Variants in ADAMTS17 observed in about 807,000 individuals in gnomAD.
ADAMTS17 encodes the protein A disintegrin and metalloproteinase with thrombospondin motifs 17.
ADAMTS17 carries 113 observed loss-of-function variants against 141.5 expected under a neutral mutation model. The observed-to-expected ratio is 0.80, with a 90% CI of 0.69 to 0.93. The LOEUF (loss-of-function observed/expected upper bound fraction) is 0.93, where lower values mean the gene tolerates loss of function less well. Among genes scored for constraint, ADAMTS17 ranks in the 40% least tolerant of loss-of-function variants. The pLI, the probability that ADAMTS17 is intolerant of heterozygous loss-of-function variation, is 0.00. For missense variants in ADAMTS17, 1,659 were observed against 1,517.9 expected (o/e 1.09, Z -1.54); for synonymous variants, 768 against 630.6 (o/e 1.22, Z -3.27).
intron 10 of ADAMTS17, among the ~76,000 whole-genome samples, chr15:100,148,596 T>A (rs1413700808): frequency 1.3e-5 from 2 of 152,146 alleles, no homozygotes; most frequent in African/African-American, 4.8e-5. Flanking sequence ...AGGTGTACTG[T>A]CAGTTTTACC....
chr15:100,294,624 C>A (rs2044747987), intron 3 of ADAMTS17, among the ~76,000 whole-genome samples: 1 of 151,996 alleles, frequency 6.6e-6, no homozygotes, highest in Non-Finnish European at 1.5e-5. Context: ...CGGAGGATCA[C>A]TTGAGCCCAG....
At chr15:100,111,213 G>A (rs1460174092) in intron 13 of ADAMTS17, among the ~76,000 whole-genome samples, 1 of 152,180 alleles carries the variant, frequency 6.6e-6, no homozygotes, top group African/African-American at 2.4e-5. Flanking sequence ...ACAGACACGT[G>A]ATGTTTGCTT....
chr15:100,328,986 G>A (rs2045970530), intron 3 of ADAMTS17, among the ~76,000 whole-genome samples: 1 of 152,146 alleles, frequency 6.6e-6, no homozygotes, highest in African/African-American at 2.4e-5. Context: ...AGGTTTAACA[G>A]TCCTTAGCGA....
chr15:100,183,957 C>T (rs1009225583), intron 8 of ADAMTS17, among the ~76,000 whole-genome samples: 15 of 152,130 alleles, frequency 9.9e-5, no homozygotes, highest in Admixed American at 2.0e-4. Flanking sequence ...TACTGGGTGT[C>T]GCTGAGCCAC....
At chr15:100,077,336 C>T (rs1433524438) in intron 15 of ADAMTS17, among the ~76,000 whole-genome samples, 9 of 146,124 alleles carry the variant, frequency 6.2e-5, no homozygotes, top group Non-Finnish European at 1.3e-4. Flanking sequence ...GTGGTGCGTG[C>T]CTGTAATCCC....
chr15:100,003,464 C>T (rs1004510306), intron 18 of ADAMTS17, among the ~76,000 whole-genome samples: 4 of 152,034 alleles, frequency 2.6e-5, no homozygotes, highest in South Asian at 4.1e-4. Flanking sequence ...CGCGAGTAAG[C>T]GAGGCCACTG....
chr15:100,155,973 C>T (rs531934896), intron 8 of ADAMTS17, among the ~76,000 whole-genome samples: 6 of 138,928 alleles, frequency 4.3e-5, no homozygotes, highest in East Asian at 2.0e-4. Context: ...ACATGCAGCA[C>T]GCAAGATCCA....
rs563491809 is a variant in ADAMTS17 at position 100,055,836 on chromosome 15, A to G, written c.2138-1782T>C. Among the ~76,000 whole-genome samples the G allele has an allele frequency of 3.3e-5, 5 of 152,304 alleles. No individual in the cohort carries two copies. The South Asian group carries it at 8.3e-4, about 25-fold the overall frequency. ...TACTCTGACCCATTTAATCTTCTCA[A>G]CAACCCTCTGAATTATTGTCATCAC... On this transcript the variant is annotated intron_variant, in intron 15 of 21. Transcript: ENST00000268070.
intron 10 of ADAMTS17, among the ~76,000 whole-genome samples, chr15:100,137,559 T>C (rs1170554330): frequency 1.3e-5 from 2 of 152,168 alleles, no homozygotes; most frequent in Non-Finnish European, 2.9e-5. Flanking sequence ...AACCTTCTGC[T>C]TTCAGCGAAT....
intron 3 of ADAMTS17, among the ~76,000 whole-genome samples, chr15:100,288,460 A>G (rs184739103): frequency 1.2e-4 from 18 of 152,362 alleles, no homozygotes; most frequent in Middle Eastern, 3.4e-3. Context: ...TAGATCATCA[A>G]GGCAGAAAAC....
intron 7 of ADAMTS17, among the ~76,000 whole-genome samples, chr15:100,249,309 G>A (rs2043080825): frequency 1.3e-5 from 2 of 152,216 alleles, no homozygotes; most frequent in South Asian, 2.1e-4. Context: ...AGGGTGCAGT[G>A]GGCATTGGTC....
intron 10 of ADAMTS17, among the ~76,000 whole-genome samples, chr15:100,141,010 C>T (rs76497679): frequency 6.6e-6 from 1 of 152,198 alleles, no homozygotes; most frequent in East Asian, 1.9e-4. Flanking sequence ...CTAAGACCTC[C>T]TCTCCCACTC....
At chr15:100,201,349 C>T (rs1484168452) in intron 7 of ADAMTS17, among the ~76,000 whole-genome samples, 3 of 152,186 alleles carry the variant, frequency 2.0e-5, no homozygotes, top group Non-Finnish European at 4.4e-5. Context: ...CTCTCTCCTG[C>T]TGCACTGTGA....
intron 4 of ADAMTS17, among the ~76,000 whole-genome samples, chr15:100,271,260 G>T (rs576168890): frequency 6.6e-6 from 1 of 152,236 alleles, no homozygotes; most frequent in African/African-American, 2.4e-5. Context: ...ATTTTTGGGT[G>T]TTTACTCAAA....
intron 15 of ADAMTS17, among the ~76,000 whole-genome samples, chr15:100,057,657 G>A (rs548825399): frequency 3.3e-5 from 5 of 152,222 alleles, no homozygotes; most frequent in East Asian, 1.9e-4. Context: ...CTCCCGTCAC[G>A]TGGGATTGAA....
At chr15:100,114,444 T>C (rs2141133267) in intron 13 of ADAMTS17, among the ~76,000 whole-genome samples, 1 of 152,314 alleles carries the variant, frequency 6.6e-6, no homozygotes, top group African/African-American at 2.4e-5. Context: ...ATTTTGTTTT[T>C]ACCCTTGATG....
chr15:100,294,938 G>C (rs1345788586), intron 3 of ADAMTS17, among the ~76,000 whole-genome samples: 2 of 152,164 alleles, frequency 1.3e-5, no homozygotes, highest in Non-Finnish European at 2.9e-5. Context: ...TTCTCCTTGG[G>C]AGAGAGACCA....
intron 10 of ADAMTS17, among the ~76,000 whole-genome samples, chr15:100,148,689 T>C (rs1056776764): frequency 4.6e-5 from 7 of 152,158 alleles, no homozygotes; most frequent in Admixed American, 1.3e-4. Flanking sequence ...AATTTCATTA[T>C]ATTGAGTATT....
At chr15:100,016,661 T>C (rs917819010) in intron 18 of ADAMTS17, among the ~76,000 whole-genome samples, 6 of 152,214 alleles carry the variant, frequency 3.9e-5, no homozygotes, top group Non-Finnish European at 7.3e-5. Flanking sequence ...CCAGCAAGTC[T>C]ACCCGGCTCC....
Sources: allele counts gnomAD v4.1 joint callset (sites outside exome capture counted in the v4.1 genomes callset), GRCh38; gene constraint gnomAD v4.1.1; transcripts MANE v1.5; gene names NCBI Gene and HGNC (gene_info 2026-07-23, HGNC 2026-07-21).